Variants in ST6GALNAC3 observed in about 807,000 individuals in gnomAD.
ST6GALNAC3 encodes alpha-N-acetylgalactosaminide alpha-2,6-sialyltransferase 3.
ST6GALNAC3 carries 25 observed loss-of-function variants against 32.7 expected under a neutral mutation model. The ratio of observed to expected loss-of-function variants is 0.76; its 90% CI spans 0.56 to 1.07. The LOEUF (loss-of-function observed/expected upper bound fraction) is 1.07, where lower values mean the gene tolerates loss of function less well. Ranked by LOEUF, ST6GALNAC3 falls within the 50% of genes least tolerant of loss-of-function variation. ST6GALNAC3 has a pLI of 0.00. For missense variants in ST6GALNAC3, 355 were observed against 382.4 expected (o/e 0.93, Z 0.60); for synonymous variants, 129 against 133.1 (o/e 0.97, Z 0.21).
intron 2 of ST6GALNAC3, among the ~76,000 whole-genome samples, chr1:76,351,077 G>T (rs1648937585): frequency 6.6e-6 from 1 of 152,134 alleles, no homozygotes; most frequent in South Asian, 2.1e-4. Flanking sequence ...TTCACTGAGA[G>T]ATTAATTTAC....
At position 76,248,834 on chromosome 1, in the gene ST6GALNAC3, G is replaced by A. The variant is rs553129913; in HGVS notation, c.19-64971G>A. ...CTTTGTTTGTTCACGTGACAGAGGT[G>A]GAAAGAGGATGACACATTAGGAAGA... is the stretch of plus-strand genomic sequence containing the variant. On this transcript the variant is annotated intron_variant, in intron 1 of 4. Coordinates refer to ENST00000328299, the MANE Select transcript of ST6GALNAC3 (RefSeq NM_152996.4). Among the ~76,000 whole-genome samples, 6 of 151,988 alleles carry A rather than the reference G, an allele frequency of 3.9e-5. No individual in the cohort carries two copies. The South Asian group carries it at 6.3e-4, about 16-fold the overall frequency.
chr1:76,435,904 G>T (rs996043006), intron 3 of ST6GALNAC3, among the ~76,000 whole-genome samples: 2 of 151,370 alleles, frequency 1.3e-5, no homozygotes, highest in African/African-American at 4.9e-5. Flanking sequence ...TGGGGAACAG[G>T]TGGTATTTGG....
chr1:76,324,276 A>G (rs1349710088), intron 2 of ST6GALNAC3, among the ~76,000 whole-genome samples: 1 of 152,212 alleles, frequency 6.6e-6, no homozygotes, highest in Admixed American at 6.5e-5. Flanking sequence ...TAAAAAGTGA[A>G]TATTCTCCCA....
At chr1:76,330,232 A>C (rs1647164478) in intron 2 of ST6GALNAC3, among the ~76,000 whole-genome samples, 2 of 151,956 alleles carry the variant, frequency 1.3e-5, no homozygotes, top group Admixed American at 1.3e-4. Context: ...AGCTCACTGC[A>C]ACCTCTGCCT....
At chr1:76,366,879 A>G (rs1650415619) in intron 2 of ST6GALNAC3, among the ~76,000 whole-genome samples, 1 of 152,218 alleles carries the variant, frequency 6.6e-6, no homozygotes, top group African/African-American at 2.4e-5. Context: ...TAAACTGTGA[A>G]CCAAAGTTTA....
intron 3 of ST6GALNAC3, among the ~76,000 whole-genome samples, chr1:76,490,866 G>T (rs11162166): frequency 1.1e-4 from 16 of 146,374 alleles, no homozygotes; most frequent in South Asian, 2.2e-4. Context: ...CTTTTTTTTT[G>T]TTTTTTTTTG....
In ST6GALNAC3 at chr1:76,313,400, A is replaced by C. The variant is rs1423541009; in HGVS notation, c.19-405A>C. On this transcript the variant is annotated intron_variant, in intron 1 of 4. Transcript: ENST00000328299. Reference sequence around the variant, plus strand: ...ACAACAATAGAAGTGTCTTTAAATTATGGGAATGATGGGACTTTACCTCTG... The same window carrying C: ...ACAACAATAGAAGTGTCTTTAAATTCTGGGAATGATGGGACTTTACCTCTG... Among the ~76,000 whole-genome samples, 3 of 152,160 alleles carry C rather than the reference A, an allele frequency of 2.0e-5. No homozygotes were observed. In the East Asian group the frequency reaches 5.8e-4, roughly 29 times the overall value.
At chr1:76,282,167 T>C (rs1659534445) in intron 1 of ST6GALNAC3, among the ~76,000 whole-genome samples, 1 of 151,982 alleles carries the variant, frequency 6.6e-6, no homozygotes, top group African/African-American at 2.4e-5. Context: ...GTTTCACTTG[T>C]CTAGTCCTTT....
At chr1:76,626,079 G>A (rs1648948490) in intron 3 of ST6GALNAC3, among the ~76,000 whole-genome samples, 1 of 151,876 alleles carries the variant, frequency 6.6e-6, no homozygotes, top group South Asian at 2.1e-4. Context: ...ACACTAAGTA[G>A]TGCCTGTTAA....
intron 3 of ST6GALNAC3, among the ~76,000 whole-genome samples, chr1:76,501,767 C>T (rs973715060): frequency 2.6e-5 from 4 of 152,146 alleles, no homozygotes; most frequent in African/African-American, 9.7e-5. Context: ...AGTATGAAGC[C>T]GGAGGCTGAC....
rs181018174 is a variant in ST6GALNAC3, at chr1:76,217,150, C to T, written c.19-96655C>T. ...TCTAACTCCCTGCGAAAAACTTAAA[C>T]CTCTTTCTACTTCATTAATAATGTT... On this transcript the variant is annotated intron_variant, in intron 1 of 4. Transcript: ENST00000328299. 1.8e-3 allele frequency among the ~76,000 whole-genome samples: 278 copies of T among 152,226 alleles called. 2 individuals are homozygous for T. Among genetic ancestry groups the T allele is most frequent in the African/African-American group, 6.1e-3 (255 of 41,552 alleles).
intron 1 of ST6GALNAC3, among the ~76,000 whole-genome samples, chr1:76,089,085 G>A (rs924359424): frequency 6.6e-6 from 1 of 152,172 alleles, no homozygotes; most frequent in Non-Finnish European, 1.5e-5. Flanking sequence ...CTGGAGTGCA[G>A]TGGCACAATC....
At chr1:76,211,792 G>A (rs1183416972) in intron 1 of ST6GALNAC3, among the ~76,000 whole-genome samples, 2 of 151,678 alleles carry the variant, frequency 1.3e-5, no homozygotes, top group Non-Finnish European at 3.0e-5. Context: ...TTGTGGGGTG[G>A]GGGGAGCGGG....
At chr1:76,270,140 T>C (rs1658755414) in intron 1 of ST6GALNAC3, among the ~76,000 whole-genome samples, 1 of 152,226 alleles carries the variant, frequency 6.6e-6, no homozygotes, top group South Asian at 2.1e-4. Context: ...TGAACTTATT[T>C]TGATATTAAT....
intron 3 of ST6GALNAC3, among the ~76,000 whole-genome samples, chr1:76,432,775 T>C (rs769529752): frequency 3.3e-5 from 5 of 152,184 alleles, no homozygotes; most frequent in Non-Finnish European, 1.5e-5. Context: ...TATTCTCTTA[T>C]AATGTTGAGT....
intron 3 of ST6GALNAC3, among the ~76,000 whole-genome samples, chr1:76,612,619 T>C (rs955358856): frequency 1.1e-4 from 16 of 152,150 alleles, no homozygotes; most frequent in Non-Finnish European, 2.1e-4. Context: ...CTTAAAACCA[T>C]GGTTGAGAGC....
At chr1:76,413,854 A>C (rs186643469) in intron 3 of ST6GALNAC3, among the ~76,000 whole-genome samples, 2 of 152,244 alleles carry the variant, frequency 1.3e-5, no homozygotes, top group Admixed American at 1.3e-4. Flanking sequence ...CTATTCACAA[A>C]GGGCTTTGGA....
In ST6GALNAC3 at chr1:76,509,218, A is replaced by G. The variant is rs1394215860; in HGVS notation, c.623+96801A>G. Among the ~76,000 whole-genome samples, 2 of 152,212 alleles carry G rather than the reference A, an allele frequency of 1.3e-5. No individual in the cohort carries two copies. Among genetic ancestry groups the G allele is most frequent in the African/African-American group, 4.8e-5 (2 of 41,462 alleles). The stretch of plus-strand genomic sequence containing the variant: ...CTAGGACAAATAAACAGGCAAACAA[A>G]CAGGAAAACACAAATTGGAAGATAA... On this transcript the variant is annotated intron_variant, in intron 3 of 4. Transcript: ENST00000328299. The surrounding 1 kb of genome is among the most constrained non-coding windows in gnomAD (Gnocchi z 5.5).
chr1:76,402,270 A>G (rs543222387), intron 2 of ST6GALNAC3, among the ~76,000 whole-genome samples: 9 of 152,262 alleles, frequency 5.9e-5, no homozygotes, highest in Non-Finnish European at 1.2e-4. Context: ...TGCAAGCCAC[A>G]TTCTTCTCCT....
Sources: gnomAD v4.1 joint callset for allele counts (sites outside exome capture counted in the v4.1 genomes callset) on GRCh38, gnomAD v4.1.1 for gene constraint, Gnocchi (gnomAD v3.1) non-coding constraint, MANE v1.5 for transcripts, NCBI Gene and HGNC (gene_info 2026-07-23, HGNC 2026-07-21) for gene names.